Variants in CDC45 observed in about 807,000 individuals in gnomAD.
The protein encoded by CDC45 is cell division cycle 45.
A neutral mutation model predicts 77.8 loss-of-function variants in CDC45; 54 were observed. The ratio of observed to expected loss-of-function variants is 0.69; its 90% CI spans 0.56 to 0.87. The LOEUF (loss-of-function observed/expected upper bound fraction) is 0.87. Among genes scored for constraint, CDC45 ranks in the 40% least tolerant of loss-of-function variants. The pLI, the probability that CDC45 is intolerant of heterozygous loss-of-function variation, is 0.00. For missense variants in CDC45, 649 were observed against 721.6 expected (o/e 0.90, Z 1.15); for synonymous variants, 260 against 272.1 (o/e 0.96, Z 0.44).
At chr22:19,493,426 GTT>G (rs55876348) in intron 5 of CDC45, among the ~76,000 whole-genome samples, 62,482 of 148,354 alleles carry the variant, frequency 0.42, 15,154 homozygotes, top group South Asian at 0.62. Flanking sequence ...GTCTTACTTT[GTT>G]TTTTTTTTTT....
intron 10 of CDC45, among the ~76,000 whole-genome samples, chr22:19,507,071 C>T (rs558822680): frequency 2.6e-5 from 4 of 152,176 alleles, no homozygotes; most frequent in African/African-American, 4.8e-5. Flanking sequence ...AAGCTGGTGA[C>T]GCCCAGCCTC....
intron 9 of CDC45, among the ~76,000 whole-genome samples, chr22:19,500,410 G>C (rs9618587): frequency 6.6e-6 from 1 of 152,054 alleles, no homozygotes; most frequent in Non-Finnish European, 1.5e-5. Context: ...CTAGGTCGGC[G>C]TGCTCTCTGC....
chr22:19,491,713 C>T (rs2090156118), intron 5 of CDC45, among the ~76,000 whole-genome samples: 1 of 151,842 alleles, frequency 6.6e-6, no homozygotes, highest in Non-Finnish European at 1.5e-5. Flanking sequence ...ATTTGTTTCT[C>T]TTATTTTTTT....
intron 13 of CDC45, among the ~76,000 whole-genome samples, chr22:19,508,918 T>A (rs1038677474): frequency 6.6e-6 from 1 of 152,232 alleles, no homozygotes; most frequent in South Asian, 2.1e-4. Context: ...TTTTTTCTTT[T>A]TGATTTTTAA....
intron 14 of CDC45, 28 bp downstream of exon 14, chr22:19,514,915 C>T: frequency 6.2e-7 from 1 of 1,614,240 alleles, no homozygotes. Flanking sequence ...GCACAGGCGC[C>T]TGGTCACAGC....
chr22:19,506,095 T>A (rs1933155527), intron 10 of CDC45, among the ~76,000 whole-genome samples: 1 of 152,204 alleles, frequency 6.6e-6, no homozygotes, highest in Non-Finnish European at 1.5e-5. Context: ...AGATGGTCAC[T>A]GCTTTCCAAG....
In CDC45 at chr22:19,508,991, G is replaced by A. The variant is rs13447265; in HGVS notation, c.1217+300G>A. Among the ~76,000 whole-genome samples, 647 of 151,342 alleles carry A rather than the reference G, an allele frequency of 4.3e-3. 5 individuals carry two copies. Among genetic ancestry groups the A allele is most frequent in the African/African-American group, 0.015 (605 of 41,146 alleles). ...AAGGCATTATTTGTTATGTATATTC[G>A]TTCTTGTGTTTAATCTTATAGTTGT... On this transcript the variant is annotated intron_variant, in intron 13 of 18. Transcript: ENST00000263201.
intron 4 of CDC45, among the ~76,000 whole-genome samples, 153 bp from the exon 5 acceptor site, chr22:19,483,709 A>G (rs2090020859): frequency 1.3e-5 from 2 of 152,254 alleles, no homozygotes; most frequent in South Asian, 4.1e-4. Context: ...AAAATTCCTT[A>G]GAAGCCTGGA....
At chr22:19,481,778 T>G (rs558962631) in intron 3 of CDC45, among the ~76,000 whole-genome samples, 2 of 152,198 alleles carry the variant, frequency 1.3e-5, no homozygotes, top group Admixed American at 1.3e-4. Flanking sequence ...TTCAAGCGAT[T>G]CTCCTGCCTC....
In CDC45 at chr22:19,499,128, G is replaced by A. The variant is rs556297347; in HGVS notation, c.681G>A (p.Gln227=). 4.1e-5 allele frequency: 66 copies of A among 1,614,196 alleles called. No individual in the cohort carries two copies. The South Asian group carries it at 6.9e-4, about 17-fold the overall frequency. Residue 227 remains glutamine, a synonymous_variant, in exon 9 of 19, where the codon CAG becomes CAA. Transcript: ENST00000263201. ...GGGCCATCGTTGGACTAACAGACCA[G>A]TGGGTGCAAGACAAGATCACTCAGT... ...LWWAIVGLTD[Q]WVQDKITQMK...
intron 12 of CDC45, 93 bp downstream of exon 12, chr22:19,507,957 A>G: frequency 1.2e-6 from 1 of 837,570 alleles, no homozygotes; most frequent in Non-Finnish European, 1.9e-6. Context: ...AATAATGCAA[A>G]AAAAACCAAC....
intron 14 of CDC45, 23 bp downstream of exon 14, chr22:19,514,910 G>T (rs751299992): frequency 6.2e-7 from 1 of 1,614,216 alleles, no homozygotes; most frequent in Admixed American, 1.7e-5. Flanking sequence ...ACAGAGCACA[G>T]GCGCCTGGTC....
intron 13 of CDC45, among the ~76,000 whole-genome samples, chr22:19,511,294 T>C (rs1053633785): frequency 6.6e-6 from 1 of 152,122 alleles, no homozygotes; most frequent in Non-Finnish European, 1.5e-5. Context: ...CATTTGTGTA[T>C]CTTGTTAGGA....
chr22:19,494,616 A>G, intron 6 of CDC45: 1 of 1,481,474 alleles, frequency 6.8e-7, no homozygotes, highest in Non-Finnish European at 9.2e-7. Context: ...CATGCCATCC[A>G]TTAGAGACCA....
chr22:19,511,300 TAGG>T (rs1297032546), intron 13 of CDC45, among the ~76,000 whole-genome samples: 1 of 151,890 alleles, frequency 6.6e-6, no homozygotes, highest in Non-Finnish European at 1.5e-5. Context: ...TGTATCTTGT[TAGG>T]AGAATTGTCT....
chr22:19,519,203 CAT>C (rs1030404841), intron 18 of CDC45, among the ~76,000 whole-genome samples: 12 of 152,222 alleles, frequency 7.9e-5, no homozygotes, highest in African/African-American at 1.4e-4. Context: ...GCGTGTGACA[CAT>C]GTCACACACA....
At chr22:19,490,839 T>C (rs2090143287) in intron 5 of CDC45, among the ~76,000 whole-genome samples, 2 of 151,582 alleles carry the variant, frequency 1.3e-5, no homozygotes, top group South Asian at 2.1e-4. Context: ...CTTTTTTTTT[T>C]TTTTTTGAGG....
intron 15 of CDC45, among the ~76,000 whole-genome samples, chr22:19,516,108 C>G (rs973864020): frequency 6.6e-6 from 1 of 151,940 alleles, no homozygotes; most frequent in Non-Finnish European, 1.5e-5. Context: ...GATGTGCTGC[C>G]AGGGGATGGA....
intron 7 of CDC45, 128 bp downstream of exon 7, chr22:19,496,157 C>T (rs2090238804): frequency 2.9e-6 from 2 of 682,176 alleles, no homozygotes; most frequent in South Asian, 3.5e-5. Flanking sequence ...CATGTCTTCC[C>T]CCTGTGTGAC....
Sources: gnomAD v4.1 joint callset for allele counts (sites outside exome capture counted in the v4.1 genomes callset) on GRCh38, gnomAD v4.1.1 for gene constraint, MANE v1.5 for transcripts, NCBI Gene and HGNC (gene_info 2026-07-23, HGNC 2026-07-21) for gene names.